Variants in RNF13 observed in about 807,000 individuals in gnomAD.
RNF13 encodes the protein ring finger protein 13.
In RNF13, 19 loss-of-function variants were observed where a neutral mutation model predicts 37.7. The ratio of observed to expected loss-of-function variants is 0.50; its 90% confidence interval spans 0.35 to 0.74. RNF13 has a LOEUF of 0.74. RNF13 is among the 30% of genes least tolerant of loss of function. The pLI, the probability that RNF13 is intolerant of heterozygous loss-of-function variation, is 0.01. For synonymous variants in RNF13, 144 were observed against 157.8 expected, an observed-to-expected ratio of 0.91 and a Z score of 0.65; for missense variants, 375 against 453.0, an observed-to-expected ratio of 0.83 and a Z score of 1.56.
At position 149,843,381 on chromosome 3, in the gene RNF13, T is replaced by G. The variant is rs941166786; in HGVS notation, c.-16-2630T>G. ...GACTAGGAAGTTATACATCAAAGTA[T>G]GAGCACTAGTTGTTCCTTAATTTGA... is the stretch of plus-strand genomic sequence containing the variant. On this transcript the variant is annotated intron_variant, in intron 1 of 9. Coordinates refer to ENST00000392894, the MANE Select transcript of RNF13 (RefSeq NM_183381.3). Among the ~76,000 whole-genome samples the G allele has an allele frequency of 2.6e-5, 4 of 152,326 alleles. No individual in the cohort carries two copies. In the South Asian group the frequency reaches 6.2e-4, roughly 24 times the overall value.
intron 7 of RNF13, among the ~76,000 whole-genome samples, chr3:149,919,853 C>G (rs761900551): frequency 3.3e-5 from 5 of 152,196 alleles, no homozygotes; most frequent in Non-Finnish European, 7.3e-5. Context: ...ATTTTACAAT[C>G]CCACCAGAAA....
intron 8 of RNF13, among the ~76,000 whole-genome samples, chr3:149,955,423 C>T (rs2108611420): frequency 6.6e-6 from 1 of 151,994 alleles, no homozygotes; most frequent in African/African-American, 2.4e-5. Flanking sequence ...AGTTCTCAGG[C>T]AAATCTGGCT....
chr3:149,903,048 T>C (rs1338906687), intron 6 of RNF13, among the ~76,000 whole-genome samples: 2 of 152,150 alleles, frequency 1.3e-5, no homozygotes, highest in Non-Finnish European at 2.9e-5. Context: ...AATCCACGAA[T>C]ATTTCTGTTT....
intron 4 of RNF13, among the ~76,000 whole-genome samples, chr3:149,892,822 G>A (rs1369310307): frequency 1.3e-5 from 2 of 152,116 alleles, no homozygotes; most frequent in East Asian, 3.8e-4. Flanking sequence ...AAAGGTTGGG[G>A]ACCCCTGGGG....
At chr3:149,891,325 C>A (rs773146957) in intron 4 of RNF13, among the ~76,000 whole-genome samples, 5 of 152,192 alleles carry the variant, frequency 3.3e-5, no homozygotes, top group Non-Finnish European at 7.3e-5. Flanking sequence ...ATGATCATCT[C>A]AAAAGCATAA....
intron 8 of RNF13, among the ~76,000 whole-genome samples, chr3:149,936,919 C>T (rs1186139805): frequency 6.6e-6 from 1 of 152,124 alleles, no homozygotes; most frequent in African/African-American, 2.4e-5. Context: ...CTAGATGGCA[C>T]CCTAAGCCCA....
At chr3:149,944,357 G>A (rs1402377206) in intron 8 of RNF13, among the ~76,000 whole-genome samples, 2 of 152,078 alleles carry the variant, frequency 1.3e-5, no homozygotes, top group African/African-American at 2.4e-5. Flanking sequence ...TGGGTCAAAT[G>A]GTATTTCTAG....
intron 3 of RNF13, among the ~76,000 whole-genome samples, chr3:149,864,357 G>T (rs1724583726): frequency 6.6e-6 from 1 of 152,090 alleles, no homozygotes; most frequent in African/African-American, 2.4e-5. Flanking sequence ...ATCAGAAACA[G>T]ATGCTGGTGC....
At chr3:149,830,116 A>G (rs187667238) in intron 1 of RNF13, among the ~76,000 whole-genome samples, 2,964 of 120,236 alleles carry the variant, frequency 0.025, 56 homozygotes, top group South Asian at 0.035. Flanking sequence ...TCATAGCAGT[A>G]TGAAAATGGA....
At chr3:149,870,145 G>A (rs1711846691) in intron 3 of RNF13, among the ~76,000 whole-genome samples, 1 of 151,662 alleles carries the variant, frequency 6.6e-6, no homozygotes, top group South Asian at 2.1e-4. Context: ...CTCCCTTCAG[G>A]TACTTGTGAT....
chr3:149,939,178 G>T, intron 8 of RNF13: 1 of 514,742 alleles, frequency 1.9e-6, no homozygotes, highest in Non-Finnish European at 3.8e-6. Flanking sequence ...GGTGTTGATG[G>T]TTTTCAGTCT....
chr3:149,837,389 G>T (rs1721728705), intron 1 of RNF13, among the ~76,000 whole-genome samples: 1 of 152,012 alleles, frequency 6.6e-6, no homozygotes, highest in African/African-American at 2.4e-5. Context: ...ATAATAGATA[G>T]CTCCCCAAAT....
At chr3:149,954,390 G>A (rs934579124) in intron 8 of RNF13, among the ~76,000 whole-genome samples, 3 of 152,016 alleles carry the variant, frequency 2.0e-5, no homozygotes, top group Non-Finnish European at 4.4e-5. Context: ...TATAACATTT[G>A]TATTACCACC....
chr3:149,830,989 G>C (rs915125366), intron 1 of RNF13, among the ~76,000 whole-genome samples: 1 of 152,260 alleles, frequency 6.6e-6, no homozygotes, highest in African/African-American at 2.4e-5. Flanking sequence ...CAGCTTCCAC[G>C]TGGTGTTGAG....
chr3:149,960,192 C>A, intron 9 of RNF13, 56 bp downstream of exon 9: 2 of 1,209,204 alleles, frequency 1.7e-6, no homozygotes, highest in Non-Finnish European at 2.4e-6. Context: ...TATTTAGGTT[C>A]CATATTCCAG....
intron 6 of RNF13, among the ~76,000 whole-genome samples, chr3:149,909,007 A>C (rs977553414): frequency 2.0e-5 from 3 of 152,214 alleles, no homozygotes; most frequent in Admixed American, 6.5e-5. Flanking sequence ...ACATAGAGGC[A>C]GTGTGGTAGG....
chr3:149,842,981 A>C (rs1350258515), intron 1 of RNF13, among the ~76,000 whole-genome samples: 2 of 152,192 alleles, frequency 1.3e-5, no homozygotes, highest in Non-Finnish European at 2.9e-5. Context: ...GTGTGCCCCC[A>C]ATTTTGCTAA....
At chr3:149,960,670 T>C in intron 9 of RNF13, 70 bp from the exon 10 acceptor site, 1 of 1,432,524 alleles carries the variant, frequency 7.0e-7, no homozygotes, top group Non-Finnish European at 9.5e-7. Context: ...TGAATAAATA[T>C]GGCAAGAGAT....
At chr3:149,820,979 T>C (rs1559885980) in intron 1 of RNF13, among the ~76,000 whole-genome samples, 1 of 152,232 alleles carries the variant, frequency 6.6e-6, no homozygotes, top group Non-Finnish European at 1.5e-5. Context: ...TCAGTACTTC[T>C]TTCCTTTTCA....
Sources: gnomAD v4.1 joint callset for allele counts (sites outside exome capture counted in the v4.1 genomes callset) on GRCh38, gnomAD v4.1.1 for gene constraint, MANE v1.5 for transcripts, NCBI Gene and HGNC (gene_info 2026-07-23, HGNC 2026-07-21) for gene names.